The following DSCC1 variants were observed in gnomAD, a reference collection of about 807,000 sequenced individuals.
DSCC1 encodes DNA replication and sister chromatid cohesion 1.
In DSCC1, 32 loss-of-function variants were observed where a neutral mutation model predicts 48.2. The ratio of observed to expected loss-of-function variants is 0.66; its 90% confidence interval spans 0.50 to 0.89. The LOEUF is 0.89. DSCC1 is among the 40% of genes least tolerant of loss of function. DSCC1 has a pLI of 0.00. For missense variants in DSCC1, 421 were observed against 471.7 expected, an observed-to-expected ratio of 0.89 and a Z score of 1.00; for synonymous variants, 150 against 171.5, an observed-to-expected ratio of 0.87 and a Z score of 0.98.
Position 119,841,780 on chromosome 8 carries a change from T to C in DSCC1, c.924+14A>G. On this transcript the variant is annotated intron_variant, in intron 7 of 8. Transcript: ENST00000313655. ...CAACTGTTGAAGTAAGGTGGCAATG[T>C]CTATTGCTATTACCTTAAGCTGATC... The C allele has an allele frequency of 6.2e-7, 1 of 1,608,546 alleles. No homozygotes were observed. Among genetic ancestry groups the C allele is most frequent in the Non-Finnish European group, 8.5e-7 (1 of 1,176,014 alleles).
chr8:119,854,258 G>A (rs1826984702), intron 1 of DSCC1, among the ~76,000 whole-genome samples: 1 of 152,038 alleles, frequency 6.6e-6, no homozygotes. Context: ...GAAAAAAGAA[G>A]GAAGAGGAAA....
intron 3 of DSCC1, among the ~76,000 whole-genome samples, chr8:119,847,787 T>C (rs541233029): frequency 6.6e-6 from 1 of 151,510 alleles, no homozygotes; most frequent in South Asian, 2.1e-4. Flanking sequence ...TGCCTCAACC[T>C]CCTGAATAGC....
intron 8 of DSCC1, among the ~76,000 whole-genome samples, chr8:119,836,045 G>T (rs1309239602): frequency 1.3e-5 from 2 of 152,226 alleles, no homozygotes; most frequent in African/African-American, 2.4e-5. Flanking sequence ...GGGCGCGGCG[G>T]CTCATGCCTG....
At chr8:119,841,685 T>C in intron 7 of DSCC1, 109 bp downstream of exon 7, 2 of 1,228,248 alleles carry the variant, frequency 1.6e-6, no homozygotes, top group Non-Finnish European at 2.3e-6. Flanking sequence ...GCACTCCTAA[T>C]GGGTGTCTAA....
chr8:119,854,939 G>A (rs889793156), intron 1 of DSCC1, among the ~76,000 whole-genome samples: 5 of 152,198 alleles, frequency 3.3e-5, no homozygotes, highest in African/African-American at 1.2e-4. Flanking sequence ...ATAGGTGTCG[G>A]AGGACCAATT....
At chr8:119,838,227 C>G in intron 8 of DSCC1, 32 bp downstream of exon 8, 1 of 1,511,636 alleles carries the variant, frequency 6.6e-7, no homozygotes, top group Non-Finnish European at 8.8e-7. Flanking sequence ...AAAAGAACGA[C>G]CCTCAAAATC....
intron 1 of DSCC1, among the ~76,000 whole-genome samples, chr8:119,855,338 T>C (rs1827000855): frequency 6.6e-6 from 1 of 152,200 alleles, no homozygotes; most frequent in Non-Finnish European, 1.5e-5. Flanking sequence ...CACCGGTAAC[T>C]CTTCAAAAAC....
chr8:119,846,113 CTTTTT>C (rs531156237), intron 4 of DSCC1, among the ~76,000 whole-genome samples: 4 of 117,542 alleles, frequency 3.4e-5, no homozygotes, highest in Middle Eastern at 5.1e-3. Context: ...TGTCTAAGGA[CTTTTT>C]TTTTTTTTTT....
intron 4 of DSCC1, 32 bp from the exon 5 acceptor site, chr8:119,843,779 A>C: frequency 6.3e-7 from 1 of 1,594,424 alleles, no homozygotes; most frequent in Non-Finnish European, 8.5e-7. Flanking sequence ...TTTACCAAAG[A>C]ACTTTTTTTT....
intron 4 of DSCC1, among the ~76,000 whole-genome samples, chr8:119,844,067 G>A (rs1484248045): frequency 2.0e-5 from 3 of 151,376 alleles, no homozygotes; most frequent in Non-Finnish European, 4.4e-5. Context: ...ATGAGCCACC[G>A]TGCCGGCCCA....
At chr8:119,846,621 C>T (rs1826861120) in intron 4 of DSCC1, among the ~76,000 whole-genome samples, 1 of 152,164 alleles carries the variant, frequency 6.6e-6, no homozygotes, top group Non-Finnish European at 1.5e-5. Flanking sequence ...AATAGTGGTG[C>T]CATCTCAGCT....
chr8:119,846,113 C>CCT (rs1352254057), intron 4 of DSCC1, among the ~76,000 whole-genome samples: 1 of 117,544 alleles, frequency 8.5e-6, no homozygotes, highest in Non-Finnish European at 1.7e-5. Context: ...TGTCTAAGGA[C>CCT]TTTTTTTTTT....
chr8:119,838,288 C>T lies in DSCC1; in HGVS notation c.1044G>A (p.Trp348Ter), dbSNP rs746246130. The T allele has an allele frequency of 1.2e-6, 2 of 1,602,602 alleles. No individual in the cohort carries two copies. Among genetic ancestry groups the T allele is most frequent in the South Asian group, 2.3e-5 (2 of 87,330 alleles). Residue 348 changes from tryptophan to a stop codon, truncating the protein, a stop_gained, in exon 8 of 9, where the codon TGG (tryptophan) becomes TGA (stop). Transcript: ENST00000313655. LOFTEE classifies it high-confidence loss of function. Reference sequence around the variant, plus strand: ...TATATGGAGCAATATCTTCTTCTGTCCACTTCTCCCTTAGAGAGAAAAGGC... The same window carrying T: ...TATATGGAGCAATATCTTCTTCTGTTCACTTCTCCCTTAGAGAGAAAAGGC... ...FNSLFSLREK[W>*]TEEDIAPYIQ...
intron 4 of DSCC1, among the ~76,000 whole-genome samples, chr8:119,846,339 CCT>C (rs1181952056): frequency 6.6e-6 from 1 of 152,066 alleles, no homozygotes; most frequent in Non-Finnish European, 1.5e-5. Flanking sequence ...GTCTCAAACT[CCT>C]GACGTCGTGA....
chr8:119,835,055 A>G, intron 8 of DSCC1, 54 bp from the exon 9 acceptor site: 1 of 1,158,148 alleles, frequency 8.6e-7, no homozygotes, highest in Non-Finnish European at 1.3e-6. Flanking sequence ...ACATATTATG[A>G]TACAGTACTA....
At chr8:119,850,810 T>G (rs538771707) in intron 2 of DSCC1, among the ~76,000 whole-genome samples, 2 of 152,236 alleles carry the variant, frequency 1.3e-5, no homozygotes, top group East Asian at 3.9e-4. Flanking sequence ...AATGACAGGA[T>G]GGTGACAATT....
At chr8:119,838,551 A>G in intron 7 of DSCC1, 144 bp from the exon 8 acceptor site, 1 of 1,012,802 alleles carries the variant, frequency 9.9e-7, no homozygotes, top group African/African-American at 1.7e-5. Flanking sequence ...GAGATTTACA[A>G]TCGCCTTTTT....
intron 8 of DSCC1, among the ~76,000 whole-genome samples, chr8:119,836,993 C>A (rs928722625): frequency 6.6e-6 from 1 of 152,024 alleles, no homozygotes; most frequent in Non-Finnish European, 1.5e-5. Flanking sequence ...AAATAATTAA[C>A]CATTGAGTAT....
chr8:119,844,411 C>T (rs915010225), intron 4 of DSCC1, among the ~76,000 whole-genome samples: 4 of 140,184 alleles, frequency 2.9e-5, no homozygotes, highest in Admixed American at 7.5e-5. Context: ...TGCATTCCAA[C>T]TTGGGCAATG....
Sources: gnomAD v4.1 joint callset for allele counts (sites outside exome capture counted in the v4.1 genomes callset) on GRCh38, gnomAD v4.1.1 for gene constraint, MANE v1.5 for transcripts, NCBI Gene and HGNC (gene_info 2026-07-23, HGNC 2026-07-21) for gene names.